The following MYT1 variants were observed in gnomAD, a reference collection of about 807,000 sequenced individuals.
MYT1 encodes myelin transcription factor 1.
Under a neutral mutation model 123.0 loss-of-function variants are expected in MYT1, and 23 were observed. The observed-to-expected ratio is 0.19, with a 90% CI of 0.13 to 0.26. The LOEUF is 0.26. Among genes scored for constraint, MYT1 ranks in the 10% least tolerant of loss-of-function variants. MYT1 has a pLI of 1.00. For missense variants in MYT1, 1,125 were observed against 1,472.5 expected (o/e 0.76, Z 3.86); for synonymous variants, 518 against 575.3 (o/e 0.90, Z 1.43).
Position 64,207,868 on chromosome 20 carries a change from C to A in MYT1, c.672C>A (p.Val224=), listed in dbSNP as rs369373632. The change falls in exon 7 of 23, where the codon GTC becomes GTA. Residue 224 remains valine, a synonymous_variant. Transcript: ENST00000328439. ...TCCAGCCAGAGGATGCCGAGGAGGT[C>A]GTCGAAGTCACCACCGAGCGCTCCC... ...LFIQPEDAEE[V]VEVTTERSQD... is the part of the protein sequence containing the mutation. 2.5e-6 allele frequency: 4 copies of A among 1,612,760 alleles called. No homozygotes were observed. The highest frequency in any genetic ancestry group is 3.4e-6 in the Non-Finnish European group (4 of 1,179,686).
intron 13 of MYT1, among the ~76,000 whole-genome samples, chr20:64,221,044 C>T (rs947595859): frequency 1.3e-5 from 2 of 152,324 alleles, no homozygotes; most frequent in Admixed American, 6.5e-5. Flanking sequence ...GAACCCACAA[C>T]GAGGTCCAAT....
At chr20:64,233,799 C>T (rs910856128) in intron 19 of MYT1, among the ~76,000 whole-genome samples, 6 of 152,140 alleles carry the variant, frequency 3.9e-5, no homozygotes, top group Non-Finnish European at 8.8e-5. Context: ...GGGGCACAAG[C>T]CCTCAGCGAA....
intron 17 of MYT1, among the ~76,000 whole-genome samples, 158 bp from the exon 18 acceptor site, chr20:64,227,730 C>T (rs1437127552): frequency 6.6e-6 from 1 of 152,180 alleles, no homozygotes; most frequent in Admixed American, 6.5e-5. Flanking sequence ...AAGGCTGTGT[C>T]TGTGGATTCT....
chr20:64,198,179 C>T lies in MYT1; in HGVS notation c.1-683C>T, dbSNP rs182412733. ...GCGGGCGCCTGTAGTCCCAGCTACTCGGGAGGCTGAGGCAGGAGAATGGCG... is the reference window on the plus strand; with the variant it reads ...GCGGGCGCCTGTAGTCCCAGCTACTTGGGAGGCTGAGGCAGGAGAATGGCG... On this transcript the variant is annotated intron_variant, in intron 2 of 22. Coordinates refer to ENST00000328439, the MANE Select transcript of MYT1 (RefSeq NM_004535.3). Among the ~76,000 whole-genome samples, 374 of 144,998 alleles carry T rather than the reference C, an allele frequency of 2.6e-3. 1 individual carries two copies. The highest frequency in any genetic ancestry group is 8.3e-3 in the African/African-American group (325 of 39,286).
intron 19 of MYT1, among the ~76,000 whole-genome samples, chr20:64,234,499 T>C (rs1158562890): frequency 1.3e-5 from 2 of 152,200 alleles, no homozygotes; most frequent in South Asian, 2.1e-4. Flanking sequence ...AGCTTCTTTT[T>C]CCCCATAGAA....
In MYT1 at chr20:64,166,695, G is replaced by C. The variant is rs1455227945; in HGVS notation, c.-99+1956G>C. The stretch of plus-strand genomic sequence containing the variant: ...TTGGAAGATTCTGGCAAAGGCAGTG[G>C]TCACCTACTCCCTTGAATGCCCCTG... On this transcript the variant is annotated intron_variant, in intron 1 of 22. Transcript: ENST00000328439. The surrounding 1 kb of genome is among the most constrained non-coding windows in gnomAD (Gnocchi z 4.9). Among the ~76,000 whole-genome samples, 1 of 152,204 alleles carries C rather than the reference G, an allele frequency of 6.6e-6. No individual in the cohort carries two copies. The highest frequency in any genetic ancestry group is 6.5e-5 in the Admixed American group (1 of 15,290).
chr20:64,211,435 G>C, intron 8 of MYT1, 95 bp downstream of exon 8: 1 of 1,295,824 alleles, frequency 7.7e-7, no homozygotes, highest in Non-Finnish European at 1.1e-6. Context: ...GGCCTGCCCA[G>C]GGCCATAACC....
At chr20:64,206,210 G>T (rs1983485659) in intron 6 of MYT1, among the ~76,000 whole-genome samples, 1 of 152,120 alleles carries the variant, frequency 6.6e-6, no homozygotes, top group African/African-American at 2.4e-5. Flanking sequence ...ACCTGCCTGG[G>T]GGCATGGGTG....
chr20:64,206,017 G>A (rs554794136), intron 6 of MYT1, among the ~76,000 whole-genome samples: 10 of 152,308 alleles, frequency 6.6e-5, no homozygotes, highest in South Asian at 2.1e-4. Context: ...CACTGTGTGC[G>A]TAGGAGAGAG....
Position 64,240,940 on chromosome 20 carries a change from C to G in MYT1, c.*492C>G, listed in dbSNP as rs2145740378. The G allele has an allele frequency of 6.4e-6, 1 of 156,834 alleles. No individual in the cohort carries two copies. Among genetic ancestry groups the G allele is most frequent in the East Asian group, 1.9e-4 (1 of 5,290 alleles). 9.7% of individuals were successfully genotyped at this position (156,834 alleles called of 1,614,324 possible). ...GTGCGTTTTCTGTTTTCATTTAATT[C>G]AGTTTTGTGTTAAGGGTGGAACAAA... On this transcript the variant is annotated 3_prime_UTR_variant, in exon 23 of 23. Coordinates refer to ENST00000328439, the MANE Select transcript of MYT1 (RefSeq NM_004535.3).
intron 6 of MYT1, among the ~76,000 whole-genome samples, chr20:64,207,073 A>G (rs1177963950): frequency 6.6e-6 from 1 of 152,152 alleles, no homozygotes; most frequent in African/African-American, 2.4e-5. Context: ...TAGTAGAGAC[A>G]GGGTTTCGCC....
chr20:64,204,359 C>T (rs1264825108), intron 4 of MYT1, among the ~76,000 whole-genome samples: 2 of 152,220 alleles, frequency 1.3e-5, no homozygotes, highest in Admixed American at 1.3e-4. Flanking sequence ...GTGTCACCCC[C>T]TCCCCAAACT....
chr20:64,170,898 G>GAGAGAGAGAC (rs1555952856), intron 1 of MYT1, among the ~76,000 whole-genome samples: 100 of 98,202 alleles, frequency 1.0e-3, no homozygotes, highest in Non-Finnish European at 1.4e-3. Flanking sequence ...GAGAGAGAGA[G>GAGAGAGAGAC]AGAGAGAGAG....
At chr20:64,172,247 G>A (rs910802751) in intron 1 of MYT1, among the ~76,000 whole-genome samples, 14 of 152,210 alleles carry the variant, frequency 9.2e-5, no homozygotes, top group Admixed American at 7.2e-4. Flanking sequence ...TAGGGCTGCA[G>A]TTGGACCCAT....
chr20:64,235,882 A>T (rs77340086), intron 19 of MYT1, among the ~76,000 whole-genome samples: 1 of 48,922 alleles, frequency 2.0e-5, no homozygotes, highest in Non-Finnish European at 4.1e-5. Context: ...TGGGATGGTC[A>T]TGGTGGGTGA....
In MYT1 at chr20:64,222,122, C is replaced by A. The variant is rs1228999414; in HGVS notation, c.2396+75C>A. ...GGGGAGGAACAGGCCCTGGTCCCAACCCATGACGACCGGGTCTGCTCAGGC... is the reference window on the plus strand; with the variant it reads ...GGGGAGGAACAGGCCCTGGTCCCAAACCATGACGACCGGGTCTGCTCAGGC... On this transcript the variant is annotated intron_variant, in intron 14 of 22. Transcript: ENST00000328439. 8 of 1,536,772 alleles carry A rather than the reference C, an allele frequency of 5.2e-6. No individual in the cohort carries two copies. In the Admixed American group the frequency reaches 1.4e-4, roughly 27 times the overall value.
At position 64,184,139 on chromosome 20, in the gene MYT1, C is replaced by T. The variant is rs371754945; in HGVS notation, c.-98-5924C>T. 2.5e-4 allele frequency among the ~76,000 whole-genome samples: 38 copies of T among 152,162 alleles called. 1 individual carries two copies. In the South Asian group the frequency reaches 6.4e-3, roughly 26 times the overall value. On this transcript the variant is annotated intron_variant, in intron 1 of 22. Transcript: ENST00000328439. ...CCGGCCGACAGTGTTATTTTAACTC[C>T]GAAAGTTTTAAACCTTGTTGAAGTC...
intron 2 of MYT1, among the ~76,000 whole-genome samples, chr20:64,197,207 C>T (rs887055304): frequency 3.9e-5 from 6 of 152,182 alleles, no homozygotes; most frequent in African/African-American, 1.4e-4. Context: ...CATAAATTAC[C>T]CAGGTTTTGA....
At chr20:64,201,349 TCTCAA>T (rs1983292759) in intron 4 of MYT1, among the ~76,000 whole-genome samples, 1 of 152,180 alleles carries the variant, frequency 6.6e-6, no homozygotes, top group African/African-American at 2.4e-5. Context: ...AGCCTTGTGG[TCTCAA>T]CTGACATATT....
Sources: gnomAD v4.1 joint callset for allele counts (sites outside exome capture counted in the v4.1 genomes callset) on GRCh38, gnomAD v4.1.1 for gene constraint, Gnocchi (gnomAD v3.1) non-coding constraint, MANE v1.5 for transcripts, NCBI Gene and HGNC (gene_info 2026-07-23, HGNC 2026-07-21) for gene names.